Variants in KIAA1958 observed in about 807,000 individuals in gnomAD.
KIAA1958 encodes KIAA1958.
In KIAA1958, 14 loss-of-function variants were observed where a neutral mutation model predicts 47.2. The observed-to-expected ratio is 0.30, with a 90% CI of 0.20 to 0.46. KIAA1958 has a LOEUF of 0.46. KIAA1958 is among the 20% of genes least tolerant of loss of function. The probability of loss-of-function intolerance (pLI) is 1.00; values close to 1 mark genes in which losing one functional copy is unlikely to be tolerated. For synonymous variants in KIAA1958, 354 were observed against 353.3 expected, an observed-to-expected ratio of 1.00 and a Z score of -0.02; for missense variants, 803 against 909.2, an observed-to-expected ratio of 0.88 and a Z score of 1.50.
At chr9:112,556,285 C>T (rs541726958) in intron 1 of KIAA1958, among the ~76,000 whole-genome samples, 40 of 152,292 alleles carry the variant, frequency 2.6e-4, no homozygotes, top group African/African-American at 7.5e-4. Flanking sequence ...CTCTCTACCA[C>T]GCCTCCATAC....
chr9:112,563,808 C>G (rs1835378665), intron 1 of KIAA1958, among the ~76,000 whole-genome samples: 1 of 151,784 alleles, frequency 6.6e-6, no homozygotes, highest in Non-Finnish European at 1.5e-5. Flanking sequence ...TGCCTTATTC[C>G]TAATCTTAAA....
chr9:112,570,863 A>AG (rs1330269408), intron 1 of KIAA1958, among the ~76,000 whole-genome samples: 1 of 152,228 alleles, frequency 6.6e-6, no homozygotes, highest in Non-Finnish European at 1.5e-5. Context: ...CCAAATCCAA[A>AG]GGCCTCAGAA....
At chr9:112,559,830 T>C (rs1564172172) in intron 1 of KIAA1958, among the ~76,000 whole-genome samples, 1 of 152,196 alleles carries the variant, frequency 6.6e-6, no homozygotes, top group Non-Finnish European at 1.5e-5. Context: ...GTATGAATCA[T>C]GTCAAATCTC....
In KIAA1958 at chr9:112,664,851, G is replaced by A. The variant is rs1837331485; in HGVS notation, c.*4782G>A. Reference sequence around the variant, plus strand: ...CTGGAAGTTCCTCCGTCTGATATGTGTATTCTGACATAACAGAATTTCCCA... The same window carrying A: ...CTGGAAGTTCCTCCGTCTGATATGTATATTCTGACATAACAGAATTTCCCA... On this transcript the variant is annotated 3_prime_UTR_variant, in exon 4 of 4. Transcript: ENST00000337530. The A allele has an allele frequency of 6.6e-6, 1 of 152,162 alleles. No homozygotes were observed. Among genetic ancestry groups the A allele is most frequent in the East Asian group, 1.9e-4 (1 of 5,204 alleles). 9.4% of individuals were successfully genotyped at this position (152,162 alleles called of 1,614,324 possible).
chr9:112,584,842 G>C (rs1040771711), intron 2 of KIAA1958, among the ~76,000 whole-genome samples: 1 of 152,274 alleles, frequency 6.6e-6, no homozygotes, highest in South Asian at 2.1e-4. Context: ...CTTGTGAACC[G>C]AGAGGGACAG....
At position 112,575,125 on chromosome 9, in the gene KIAA1958, C is replaced by G. The variant is rs1835621376; in HGVS notation, c.1045C>G (p.Gln349Glu). 1.2e-6 allele frequency: 2 copies of G among 1,606,016 alleles called. No homozygotes were observed. The highest frequency in any genetic ancestry group is 2.2e-5 in the South Asian group (2 of 91,058). The change falls in exon 2 of 4, where the codon CAG becomes GAG. Residue 349 changes from glutamine (Q) to glutamate (E), a missense_variant. Physicochemically the swap from Gln to Glu is conservative, Grantham distance 29 (BLOSUM62 2). Transcript: ENST00000337530. ...SEEFLSHLPS[Q>E]VSSCEVALSP... is the part of the protein sequence containing the mutation. ...AGAGTTCCTGTCCCATCTGCCCAGC[C>G]AGGTCTCCTCCTGTGAGGTAGCCCT...
intron 2 of KIAA1958, among the ~76,000 whole-genome samples, chr9:112,622,658 G>A (rs144094966): frequency 1.2e-3 from 183 of 152,236 alleles, no homozygotes; most frequent in Non-Finnish European, 2.1e-3. Context: ...TTTTCCCTAT[G>A]TTAAATCACT....
At chr9:112,488,127 C>G (rs1226747312) in intron 1 of KIAA1958, among the ~76,000 whole-genome samples, 1 of 152,222 alleles carries the variant, frequency 6.6e-6, no homozygotes, top group African/African-American at 2.4e-5. Context: ...AAACAATGAT[C>G]TAGCTTTCCC....
At chr9:112,627,605 T>A (rs1370309806) in intron 2 of KIAA1958, among the ~76,000 whole-genome samples, 1 of 151,962 alleles carries the variant, frequency 6.6e-6, no homozygotes, top group African/African-American at 2.4e-5. Flanking sequence ...AATACAAAAA[T>A]TAGCTGGGTG....
intron 1 of KIAA1958, among the ~76,000 whole-genome samples, chr9:112,540,182 C>T (rs1834917080): frequency 6.6e-6 from 1 of 151,852 alleles, no homozygotes; most frequent in African/African-American, 2.4e-5. Flanking sequence ...TGATAGGTTG[C>T]CAGTTTGGGT....
Position 112,574,950 on chromosome 9 carries a change from T to C in KIAA1958, c.870T>C (p.Ala290=). Residue 290 remains alanine (A), a synonymous_variant, in exon 2 of 4, where the codon GCT becomes GCC. Coordinates refer to ENST00000337530, the MANE Select transcript of KIAA1958 (RefSeq NM_133465.4). ...AGAAGACTGCTAGGGTATCTCTGGC[T>C]TCACCAAACAGAGGACCCCCTGGTA... ...IVQKTARVSL[A]SPNRGPPGTH... is the part of the protein sequence containing the mutation. The C allele has an allele frequency of 6.2e-7, 1 of 1,614,044 alleles. No homozygotes were observed. Among genetic ancestry groups the C allele is most frequent in the Non-Finnish European group, 8.5e-7 (1 of 1,179,992 alleles).
intron 1 of KIAA1958, among the ~76,000 whole-genome samples, chr9:112,556,849 G>T (rs749602379): frequency 1.4e-4 from 22 of 152,200 alleles, no homozygotes; most frequent in Non-Finnish European, 3.1e-4. Flanking sequence ...TGGGCTGGGG[G>T]TAGTGGGGCA....
At chr9:112,553,212 G>T (rs1051070581) in intron 1 of KIAA1958, among the ~76,000 whole-genome samples, 1 of 147,802 alleles carries the variant, frequency 6.8e-6, no homozygotes, top group African/African-American at 2.5e-5. Flanking sequence ...TTTAGACAGG[G>T]TCTCACTCTG....
At chr9:112,541,867 T>C (rs867315439) in intron 1 of KIAA1958, among the ~76,000 whole-genome samples, 11 of 152,162 alleles carry the variant, frequency 7.2e-5, no homozygotes, top group Middle Eastern at 3.4e-3. Flanking sequence ...TGAGAAATAC[T>C]GGGACATCAC....
At chr9:112,519,932 C>T (rs568642208) in intron 1 of KIAA1958, among the ~76,000 whole-genome samples, 4 of 152,164 alleles carry the variant, frequency 2.6e-5, no homozygotes, top group African/African-American at 4.8e-5. Flanking sequence ...ATCAGCTTGT[C>T]TCTTGTTCCT....
In KIAA1958 at chr9:112,636,073, T is replaced by G. The variant is rs150353405; in HGVS notation, c.1172-9577T>G. On this transcript the variant is annotated intron_variant, in intron 2 of 3. Transcript: ENST00000337530. Reference sequence around the variant, plus strand: ...GGAAATATTTTCTAATTCTCATTGATTTTTTTTCTTTTACCAGAAAGAATT... The same window carrying G: ...GGAAATATTTTCTAATTCTCATTGAGTTTTTTTCTTTTACCAGAAAGAATT... Among the ~76,000 whole-genome samples, 436 of 149,392 alleles carry G rather than the reference T, an allele frequency of 2.9e-3. 5 individuals are homozygous for G. The highest frequency in any genetic ancestry group is 1.0e-2 in the African/African-American group (411 of 41,118).
At chr9:112,631,268 G>A (rs1836701487) in intron 2 of KIAA1958, among the ~76,000 whole-genome samples, 2 of 152,026 alleles carry the variant, frequency 1.3e-5, no homozygotes, top group South Asian at 4.2e-4. Flanking sequence ...CATACCTGCA[G>A]TCCCGGCACT....
chr9:112,531,488 A>G (rs924446756), intron 1 of KIAA1958, among the ~76,000 whole-genome samples: 2 of 152,230 alleles, frequency 1.3e-5, no homozygotes, highest in Non-Finnish European at 2.9e-5. Flanking sequence ...AACAGAGACT[A>G]TCTATTAAGT....
intron 1 of KIAA1958, among the ~76,000 whole-genome samples, chr9:112,504,913 C>T (rs1426066194): frequency 6.6e-6 from 1 of 152,146 alleles, no homozygotes; most frequent in Non-Finnish European, 1.5e-5. Flanking sequence ...TTTAGCATGT[C>T]TATTGCTGGA....
Sources: gnomAD v4.1 joint callset for allele counts (sites outside exome capture counted in the v4.1 genomes callset) on GRCh38, gnomAD v4.1.1 for gene constraint, MANE v1.5 for transcripts, NCBI Gene and HGNC (gene_info 2026-07-23, HGNC 2026-07-21) for gene names.